The following GXYLT2 variants were observed in gnomAD, a reference collection of about 807,000 sequenced individuals.
GXYLT2 encodes glucoside xylosyltransferase 2, also known as glycosyltransferase 8 domain containing 4.
A neutral mutation model predicts 45.8 loss-of-function variants in GXYLT2; 53 were observed. That is an observed-to-expected ratio of 1.16 (90% CI 0.93 to 1.46). The LOEUF (loss-of-function observed/expected upper bound fraction) is 1.46. GXYLT2 is among the 40% of genes most tolerant of loss of function. The pLI is 0.00. For missense variants in GXYLT2, 551 were observed against 544.4 expected, an observed-to-expected ratio of 1.01 and a Z score of -0.12; for synonymous variants, 219 against 214.2, an observed-to-expected ratio of 1.02 and a Z score of -0.19.
chr3:72,941,544 C>T (rs978147223), intron 3 of GXYLT2, among the ~76,000 whole-genome samples: 8 of 152,172 alleles, frequency 5.3e-5, no homozygotes, highest in African/African-American at 1.7e-4. Context: ...TACGCCCCTA[C>T]CTCCAGCCTC....
intron 5 of GXYLT2, among the ~76,000 whole-genome samples, chr3:72,960,047 G>T (rs13072541): frequency 6.6e-6 from 1 of 152,122 alleles, no homozygotes; most frequent in African/African-American, 2.4e-5. Flanking sequence ...CTGGGTTCAA[G>T]CGATTCTTCT....
chr3:72,921,781 A>G (rs943364741), intron 2 of GXYLT2, among the ~76,000 whole-genome samples: 25 of 152,212 alleles, frequency 1.6e-4, no homozygotes, highest in African/African-American at 6.0e-4. Flanking sequence ...TAATTGTCCC[A>G]ATTCCTTATT....
Position 72,908,531 on chromosome 3 carries a change from A to T in GXYLT2, c.440A>T (p.Asp147Val), listed in dbSNP as rs375355056. The T allele has an allele frequency of 9.7e-5, 157 of 1,612,612 alleles. No individual in the cohort carries two copies. The highest frequency in any genetic ancestry group is 1.7e-4 in the Admixed American group (10 of 59,672). Residue 147 changes from aspartate (D) to valine (V), a missense_variant, in exon 2 of 7, where the codon GAC becomes GTC. Coordinates refer to ENST00000389617, the MANE Select transcript of GXYLT2 (RefSeq NM_001080393.2). ...RKIQFHIFTE[D>V]SLKPEFDKQL... ...ATCCAATTCCACATCTTCACTGAAG[A>T]CTCTCTGAAGCCCGAGTTTGATAAG...
At chr3:72,966,635 G>GT (rs35233279) in intron 5 of GXYLT2, among the ~76,000 whole-genome samples, 73,992 of 147,718 alleles carry the variant, frequency 0.5, 20,224 homozygotes, top group Non-Finnish European at 0.62. Flanking sequence ...TGGTTTGTTC[G>GT]TTTTTTTTTG....
At chr3:72,914,503 TTATA>T (rs947081048) in intron 2 of GXYLT2, among the ~76,000 whole-genome samples, 5 of 150,548 alleles carry the variant, frequency 3.3e-5, no homozygotes, top group African/African-American at 9.8e-5. Flanking sequence ...ATGTATGTTT[TTATA>T]TATATATATT....
At chr3:72,919,647 CAGGAGGCTGAAG>C (rs1212503076) in intron 2 of GXYLT2, among the ~76,000 whole-genome samples, 1 of 152,198 alleles carries the variant, frequency 6.6e-6, no homozygotes, top group Non-Finnish European at 1.5e-5. Flanking sequence ...TCCAGCTACT[CAGGAGGCTGAAG>C]CAGGAGAATT....
intron 6 of GXYLT2, among the ~76,000 whole-genome samples, chr3:72,971,440 G>C (rs901996740): frequency 6.6e-6 from 1 of 152,218 alleles, no homozygotes; most frequent in Non-Finnish European, 1.5e-5. Context: ...TCAGAGCTTG[G>C]CTTTGGGCCT....
chr3:72,912,169 C>A (rs976861068), intron 2 of GXYLT2, among the ~76,000 whole-genome samples: 1 of 151,536 alleles, frequency 6.6e-6, no homozygotes, highest in Admixed American at 6.6e-5. Flanking sequence ...GCCACCACGC[C>A]CGGCTAATTT....
chr3:72,953,553 G>A (rs1710566997), intron 3 of GXYLT2, among the ~76,000 whole-genome samples: 1 of 152,130 alleles, frequency 6.6e-6, no homozygotes. Flanking sequence ...GCCTCCCAAA[G>A]TGCTAGGATT....
chr3:72,907,905 A>G (rs1709541096), intron 1 of GXYLT2: 1 of 157,154 alleles, frequency 6.4e-6, no homozygotes. Flanking sequence ...CCCAACCTAA[A>G]AACATCCAGA....
intron 6 of GXYLT2, among the ~76,000 whole-genome samples, chr3:72,971,676 C>T (rs966309184): frequency 5.9e-5 from 9 of 152,054 alleles, no homozygotes; most frequent in Non-Finnish European, 1.2e-4. Flanking sequence ...TGGCCAGGTG[C>T]GGTGGCTCAC....
At chr3:72,970,036 T>C (rs946273996) in intron 6 of GXYLT2, among the ~76,000 whole-genome samples, 2 of 149,656 alleles carry the variant, frequency 1.3e-5, no homozygotes, top group Non-Finnish European at 3.0e-5. Flanking sequence ...GCAGCCAACA[T>C]AGTGAGACCC....
intron 3 of GXYLT2, among the ~76,000 whole-genome samples, chr3:72,923,437 A>C (rs771531819): frequency 6.6e-6 from 1 of 151,832 alleles, no homozygotes; most frequent in Non-Finnish European, 1.5e-5. Context: ...AAAGAAATAA[A>C]ATTTTAAAAA....
chr3:72,888,094 C>A lies in GXYLT2; in HGVS notation c.-140C>A. The A allele has an allele frequency of 2.3e-6, 1 of 430,256 alleles. No homozygotes were observed. The highest frequency in any genetic ancestry group is 9.2e-5 in the South Asian group (1 of 10,926). The allele number at this position is 430,256 out of a possible 1,614,324, so 26.7% of individuals were successfully genotyped here. ...CGCCGTCGCCGCCGCCGCCGGCCGC[C>A]CGCCGGCCGCCACGACCCCAGTCCC... On this transcript the variant is annotated 5_prime_UTR_variant, in exon 1 of 7. Coordinates refer to ENST00000389617, the MANE Select transcript of GXYLT2 (RefSeq NM_001080393.2).
At chr3:72,919,888 TAGAA>T (rs1327834536) in intron 2 of GXYLT2, among the ~76,000 whole-genome samples, 1 of 152,188 alleles carries the variant, frequency 6.6e-6, no homozygotes, top group African/African-American at 2.4e-5. Context: ...CCAAAATCCA[TAGAA>T]AGAGTGTACA....
chr3:72,954,494 A>G (rs998500909), intron 3 of GXYLT2, among the ~76,000 whole-genome samples: 1 of 150,750 alleles, frequency 6.6e-6, no homozygotes, highest in Non-Finnish European at 1.5e-5. Context: ...CATTAACACT[A>G]GAAGAAATGG....
At chr3:72,935,675 T>C (rs1476227794) in intron 3 of GXYLT2, among the ~76,000 whole-genome samples, 1 of 152,244 alleles carries the variant, frequency 6.6e-6, no homozygotes. Flanking sequence ...TCAACAGTAG[T>C]GGGCAAAGTG....
intron 3 of GXYLT2, among the ~76,000 whole-genome samples, chr3:72,938,705 A>G (rs1710237838): frequency 6.6e-6 from 1 of 152,244 alleles, no homozygotes. Context: ...GAGAGCCATT[A>G]TCTCAGAACA....
At chr3:72,916,536 GTTTGTT>G (rs959909202) in intron 2 of GXYLT2, among the ~76,000 whole-genome samples, 8 of 151,420 alleles carry the variant, frequency 5.3e-5, no homozygotes, top group South Asian at 2.1e-4. Context: ...AACTGAGTTT[GTTTGTT>G]TTTGTTTTTG....
Sources: allele counts gnomAD v4.1 joint callset (sites outside exome capture counted in the v4.1 genomes callset), GRCh38; gene constraint gnomAD v4.1.1; transcripts MANE v1.5; gene names NCBI Gene and HGNC (gene_info 2026-07-23, HGNC 2026-07-21).